PVALB: variants seen among roughly 807,000 people sequenced by gnomAD.
The protein encoded by PVALB is parvalbumin, also known as parvalbumin alpha.
In PVALB, 11 loss-of-function variants were observed where a neutral mutation model predicts 10.9. That is an observed-to-expected ratio of 1.01 (90% CI 0.63 to 1.67). The LOEUF (loss-of-function observed/expected upper bound fraction) is 1.67, where lower values mean the gene tolerates loss of function less well. Among genes scored for constraint, PVALB ranks in the 40% most tolerant of loss-of-function variants. The pLI is 0.00. For missense variants in PVALB, 131 were observed against 136.2 expected, an observed-to-expected ratio of 0.96 and a Z score of 0.19; for synonymous variants, 57 against 50.7, an observed-to-expected ratio of 1.12 and a Z score of -0.53.
chr22:36,806,831 T>C (rs957172932), intron 3 of PVALB, among the ~76,000 whole-genome samples: 3 of 152,048 alleles, frequency 2.0e-5, no homozygotes, highest in African/African-American at 7.3e-5. Context: ...TGAGGCTGAG[T>C]GTCACTGTGT....
In PVALB at chr22:36,802,601, CACAAA is replaced by C. The variant is rs1938883757; in HGVS notation, c.305-1688_305-1684del. 7.3e-5 allele frequency among the ~76,000 whole-genome samples: 4 copies of C among 54,922 alleles called. No individual in the cohort carries two copies. The South Asian group carries it at 1.8e-3, about 25-fold the overall frequency. 36.0% of individuals were successfully genotyped at this position (54,922 alleles called of 152,430 possible). On this transcript the variant is annotated intron_variant, in intron 3 of 3. Transcript: ENST00000417718. The stretch of plus-strand genomic sequence containing the variant: ...GGTAACAGAGTGAGACTCCATCTCA[CACAAA>C]AAAAAAAAAAAAAAAAAAAAGAAAG...
intron 3 of PVALB, among the ~76,000 whole-genome samples, chr22:36,801,447 T>C (rs929097379): frequency 6.6e-6 from 1 of 152,182 alleles, no homozygotes; most frequent in Non-Finnish European, 1.5e-5. Context: ...TGAGATGCCA[T>C]GTCTCAGCCT....
chr22:36,808,096 G>A (rs1050839985), intron 3 of PVALB, among the ~76,000 whole-genome samples: 7 of 152,226 alleles, frequency 4.6e-5, no homozygotes, highest in African/African-American at 1.4e-4. Flanking sequence ...GTGTGCACAC[G>A]GGGCATGCGG....
intron 3 of PVALB, among the ~76,000 whole-genome samples, chr22:36,802,623 A>AAAAAAAAAAAAAG (rs1555910493): frequency 8.4e-6 from 1 of 119,124 alleles, no homozygotes; most frequent in Non-Finnish European, 1.7e-5. Flanking sequence ...AAAAAAAAAA[A>AAAAAAAAAAAAAG]AAAGAAAGAA....
intron 2 of PVALB, among the ~76,000 whole-genome samples, chr22:36,814,268 AGTGTGTGTGTGTGTGTGTGT>A (rs36215449): frequency 4.1e-5 from 6 of 148,040 alleles, no homozygotes; most frequent in East Asian, 2.0e-4. Context: ...AGCCTCTGTG[AGTGTGTGTGTGTGTGTGTGT>A]GTGTGTGTGT....
upstream of PVALB, chr22:36,818,299 G>A (rs1016799475): frequency 6.6e-6 from 1 of 152,492 alleles, no homozygotes; most frequent in Admixed American, 6.5e-5. Flanking sequence ...GTGGCCCTGG[G>A]TGGTGGGGAC....
chr22:36,801,486 G>A (rs4820250), intron 3 of PVALB, among the ~76,000 whole-genome samples: 31,446 of 152,094 alleles, frequency 0.21, 3,856 homozygotes, highest in African/African-American at 0.34. Flanking sequence ...TCAGGCAAGT[G>A]CCCATCGCCC....
At chr22:36,807,335 G>T (rs1223360134) in intron 3 of PVALB, among the ~76,000 whole-genome samples, 1 of 152,174 alleles carries the variant, frequency 6.6e-6, no homozygotes, top group Admixed American at 6.5e-5. Context: ...GCAATGAGAT[G>T]GGACAAAGCA....
chr22:36,804,696 G>A (rs1192478377), intron 3 of PVALB, among the ~76,000 whole-genome samples: 2 of 152,200 alleles, frequency 1.3e-5, no homozygotes, highest in Non-Finnish European at 2.9e-5. Flanking sequence ...AGCACTTTGG[G>A]AGGCTGAGGT....
At chr22:36,814,954 G>C (rs1414581695) in intron 2 of PVALB, 149 bp downstream of exon 2, 3 of 1,043,422 alleles carry the variant, frequency 2.9e-6, no homozygotes, top group East Asian at 2.6e-5. Flanking sequence ...TGGTGCCCTG[G>C]GTCGGAGCCC....
At chr22:36,813,299 C>G (rs958673520) in intron 3 of PVALB, among the ~76,000 whole-genome samples, 1 of 152,092 alleles carries the variant, frequency 6.6e-6, no homozygotes, top group African/African-American at 2.4e-5. Flanking sequence ...AGAGACACTG[C>G]CCAAGGTCAC....
intron 3 of PVALB, chr22:36,811,460 C>G (rs780929445): frequency 1.7e-5 from 8 of 470,572 alleles, no homozygotes; most frequent in South Asian, 1.2e-4. Flanking sequence ...GGAAATGGGC[C>G]TGAATTATTT....
At chr22:36,809,669 G>A (rs1939015711) in intron 3 of PVALB, among the ~76,000 whole-genome samples, 2 of 152,070 alleles carry the variant, frequency 1.3e-5, no homozygotes, top group South Asian at 2.1e-4. Context: ...TGCTAAGCAC[G>A]GTGCCTGGCA....
At chr22:36,803,184 A>G (rs912516649) in intron 3 of PVALB, among the ~76,000 whole-genome samples, 4 of 152,158 alleles carry the variant, frequency 2.6e-5, no homozygotes, top group Non-Finnish European at 2.9e-5. Flanking sequence ...AAGTAGCTTG[A>G]CCATGACATG....
intron 3 of PVALB, 128 bp from the exon 4 acceptor site, chr22:36,801,046 CGTAA>C: frequency 2.4e-6 from 2 of 839,840 alleles, no homozygotes; most frequent in Non-Finnish European, 3.9e-6. Context: ...AGCCCCAGAG[CGTAA>C]GTGTGAAAAT....
rs781180742 is a variant in PVALB, at chr22:36,800,872, A to G, written c.*18T>C. On this transcript the variant is annotated 3_prime_UTR_variant, in exon 4 of 4. Transcript: ENST00000417718. ...GTTCAGGGCAGAGAGGTGGAAGACCAGGGGCAGTCAGTGCTTCTTAGCTTT... is the reference window on the plus strand; with the variant it reads ...GTTCAGGGCAGAGAGGTGGAAGACCGGGGGCAGTCAGTGCTTCTTAGCTTT... The G allele has an allele frequency of 2.1e-5, 34 of 1,603,202 alleles. No individual in the cohort carries two copies. Among genetic ancestry groups the G allele is most frequent in the Non-Finnish European group, 2.8e-5 (33 of 1,170,144 alleles).
At chr22:36,805,481 G>A (rs1413847899) in intron 3 of PVALB, among the ~76,000 whole-genome samples, 1 of 152,212 alleles carries the variant, frequency 6.6e-6, no homozygotes, top group Non-Finnish European at 1.5e-5. Context: ...ACTGGTATTT[G>A]TTAGCATCAT....
intron 3 of PVALB, among the ~76,000 whole-genome samples, chr22:36,802,603 CAAAAAAA>C (rs60843863): frequency 3.2e-4 from 9 of 27,794 alleles, no homozygotes; most frequent in South Asian, 1.5e-3. Context: ...CCATCTCACA[CAAAAAAA>C]AAAAAAAAAA....
Position 36,815,248 on chromosome 22 carries a change from G to T in PVALB, c.62-13C>A. On this transcript the variant is annotated splice_polypyrimidine_tract_variant and intron_variant, in intron 1 of 3. Coordinates refer to ENST00000417718, the MANE Select transcript of PVALB (RefSeq NM_001315532.2). ...AAGGAGTCGGTAGCTGTGGGGGGAA[G>T]AGCAGGGTCAAACAAGGACCAGAAA... The T allele has an allele frequency of 2.5e-6, 4 of 1,614,120 alleles. No homozygotes were observed. The highest frequency in any genetic ancestry group is 3.4e-6 in the Non-Finnish European group (4 of 1,179,962).
Sources: allele counts gnomAD v4.1 joint callset (sites outside exome capture counted in the v4.1 genomes callset), GRCh38; gene constraint gnomAD v4.1.1; transcripts MANE v1.5; gene names NCBI Gene and HGNC (gene_info 2026-07-23, HGNC 2026-07-21).